The following ART3 variants were observed in gnomAD, a reference collection of about 807,000 sequenced individuals.
ART3 encodes ecto-ADP-ribosyltransferase 3.
A neutral mutation model predicts 48.5 loss-of-function variants in ART3; 49 were observed. The ratio of observed to expected loss-of-function variants is 1.01; its 90% confidence interval spans 0.80 to 1.28. ART3 has a LOEUF of 1.28. Among genes scored for constraint, ART3 ranks in the 50% most tolerant of loss-of-function variants. The pLI, the probability that ART3 is intolerant of heterozygous loss-of-function variation, is 0.00. For missense variants in ART3, 438 were observed against 454.3 expected, an observed-to-expected ratio of 0.96 and a Z score of 0.33; for synonymous variants, 145 against 157.2, an observed-to-expected ratio of 0.92 and a Z score of 0.58.
chr4:76,042,457 C>T (rs1735056972), intron 1 of ART3, among the ~76,000 whole-genome samples: 1 of 152,232 alleles, frequency 6.6e-6, no homozygotes, highest in East Asian at 1.9e-4. Flanking sequence ...GAAGAGGTTG[C>T]CAGGCATGTA....
chr4:76,025,962 C>T (rs1463400990), intron 1 of ART3, among the ~76,000 whole-genome samples: 1 of 152,076 alleles, frequency 6.6e-6, no homozygotes, highest in African/African-American at 2.4e-5. Flanking sequence ...TAAGTGATCA[C>T]GTCACTCTTC....
intron 8 of ART3, among the ~76,000 whole-genome samples, chr4:76,101,528 G>A (rs937705603): frequency 2.0e-5 from 3 of 152,160 alleles, no homozygotes; most frequent in Non-Finnish European, 2.9e-5. Context: ...AGCACTTTGG[G>A]AGGCCAAAGT....
At position 76,052,714 on chromosome 4, in the gene ART3, CCTTCTTTT is replaced by C. The variant is rs1236336809; in HGVS notation, c.-9-23166_-9-23159del. 2.7e-4 allele frequency among the ~76,000 whole-genome samples: 39 copies of C among 142,636 alleles called. 2 individuals are homozygous for C. The highest frequency in any genetic ancestry group is 9.4e-4 in the African/African-American group (37 of 39,542). The allele number at this position is 142,636 out of a possible 152,430, so 93.6% of individuals were successfully genotyped here. A position where few individuals can be genotyped will look rare whatever the true frequency, so the allele number is the denominator to read the frequency against. On this transcript the variant is annotated intron_variant, in intron 1 of 9. Transcript: ENST00000341029. ...CATGCGTGTACCCAATTTCTTTTTT[CCTTCTTTT>C]TTTTTTTTTTAAGACAGAGTCTTGC...
rs572732596 is a variant in ART3, at chr4:76,021,734, A to C, written c.-10+10414A>C. On this transcript the variant is annotated intron_variant, in intron 1 of 9. Transcript: ENST00000341029. Reference sequence around the variant, plus strand: ...GGGTAGAGTTATTACTGAATAGCTTAGGATGATGAACATTAACCTTCCTAC... The same window carrying C: ...GGGTAGAGTTATTACTGAATAGCTTCGGATGATGAACATTAACCTTCCTAC... 72 of 641,386 alleles carry C rather than the reference A, an allele frequency of 1.1e-4. No homozygotes were observed. The African/African-American group carries it at 1.2e-3, about 11-fold the overall frequency. 39.7% of individuals were successfully genotyped at this position (641,386 alleles called of 1,614,324 possible). A position where few individuals can be genotyped will look rare whatever the true frequency, so the allele number is the denominator to read the frequency against.
chr4:76,070,810 G>T (rs560040942), upstream of ART3, among the ~76,000 whole-genome samples: 1 of 152,152 alleles, frequency 6.6e-6, no homozygotes, highest in African/African-American at 2.4e-5. Context: ...AAGTAGAAAA[G>T]AATTTTTATT....
chr4:76,027,719 G>T (rs369225957), intron 1 of ART3, among the ~76,000 whole-genome samples: 35 of 51,458 alleles, frequency 6.8e-4, no homozygotes, highest in East Asian at 3.5e-3. Context: ...TACATTTGAT[G>T]ACAGATAAAT....
At chr4:76,056,109 A>G (rs1455387104) in intron 1 of ART3, among the ~76,000 whole-genome samples, 1 of 152,222 alleles carries the variant, frequency 6.6e-6, no homozygotes. Flanking sequence ...CTTCGGTGAC[A>G]GTGCTGCTCC....
At chr4:76,083,918 C>G (rs1578478440) in intron 3 of ART3, among the ~76,000 whole-genome samples, 1 of 152,206 alleles carries the variant, frequency 6.6e-6, no homozygotes, top group East Asian at 1.9e-4. Flanking sequence ...AAAGCCAACA[C>G]CCTCCTTCCC....
Position 76,054,487 on chromosome 4 carries a change from A to G in ART3, c.-9-21394A>G, listed in dbSNP as rs141946787. ...TTCTAGCTATTTTATTTCTTATATA[A>G]TCTTGATACTTAAATTACTTTCTTT... On this transcript the variant is annotated intron_variant, in intron 1 of 9. Coordinates refer to the ART3 transcript ENST00000341029. Among the ~76,000 whole-genome samples, 14 of 152,334 alleles carry G rather than the reference A, an allele frequency of 9.2e-5. No individual in the cohort carries two copies. The East Asian group carries it at 1.9e-3, about 21-fold the overall frequency.
At chr4:76,015,692 G>A (rs548442553) in intron 1 of ART3, among the ~76,000 whole-genome samples, 34 of 152,314 alleles carry the variant, frequency 2.2e-4, no homozygotes, top group African/African-American at 8.2e-4. Context: ...GAGTGCAGTG[G>A]CATGATTATG....
intron 3 of ART3, among the ~76,000 whole-genome samples, chr4:76,082,859 A>G (rs542024989): frequency 6.6e-6 from 1 of 152,168 alleles, no homozygotes; most frequent in East Asian, 1.9e-4. Flanking sequence ...CTGACATCTA[A>G]TGGGTAGAGG....
chr4:76,037,146 A>G (rs1328637463), intron 1 of ART3: 3 of 153,098 alleles, frequency 2.0e-5, no homozygotes, highest in African/African-American at 7.2e-5. Flanking sequence ...ATGAAGTTGT[A>G]TGAGTTGTAT....
intron 1 of ART3, among the ~76,000 whole-genome samples, chr4:76,035,685 A>G (rs988970689): frequency 1.3e-5 from 2 of 152,244 alleles, no homozygotes; most frequent in Admixed American, 6.5e-5. Context: ...AACTGTTGCT[A>G]AAGGCTTTTG....
chr4:76,093,983 A>G (rs987265708), intron 3 of ART3, among the ~76,000 whole-genome samples: 5 of 152,186 alleles, frequency 3.3e-5, no homozygotes, highest in Non-Finnish European at 5.9e-5. Context: ...TTAGGTTTTG[A>G]TTAGGTCATG....
At position 76,112,582 on chromosome 4, in the gene ART3, T is replaced by G; in HGVS notation, c.*63T>G. 6.8e-7 allele frequency: 1 copy of G among 1,480,812 alleles called. No individual in the cohort carries two copies. Among genetic ancestry groups the G allele is most frequent in the Admixed American group, 2.1e-5 (1 of 46,660 alleles). 91.7% of individuals were successfully genotyped at this position (1,480,812 alleles called of 1,614,324 possible). On this transcript the variant is annotated 3_prime_UTR_variant, in exon 12 of 12. Coordinates refer to ENST00000355810, the MANE Select transcript of ART3 (RefSeq NM_001130016.3). ...AATAACTATAGGGATCCACAGGAGA[T>G]CAAAAGGAATGATGTATTTTTTACG...
chr4:76,104,591 A>G lies in ART3; in HGVS notation c.971-6A>G, dbSNP rs374866052. 1,858 of 1,551,582 alleles carry G rather than the reference A, an allele frequency of 1.2e-3. 3 individuals are homozygous for G. Among genetic ancestry groups the G allele is most frequent in the Non-Finnish European group, 1.5e-3 (1,712 of 1,146,902 alleles). On this transcript the variant is annotated splice_region_variant and splice_polypyrimidine_tract_variant and intron_variant, in intron 9 of 11. Coordinates refer to ENST00000355810, the MANE Select transcript of ART3 (RefSeq NM_001130016.3). ...GTAAGTCATTGGAAACTTCCTTCTC[A>G]TTTAGGAATGAAAATTCCAGAACCT...
intron 3 of ART3, among the ~76,000 whole-genome samples, chr4:76,085,852 A>C (rs539937200): frequency 2.6e-5 from 4 of 152,174 alleles, no homozygotes; most frequent in Non-Finnish European, 5.9e-5. Context: ...CGGGCAGATC[A>C]CCTGAGGTCA....
intron 1 of ART3, among the ~76,000 whole-genome samples, chr4:76,048,417 G>A (rs896977748): frequency 1.3e-5 from 2 of 151,766 alleles, no homozygotes; most frequent in Non-Finnish European, 2.9e-5. Context: ...GGTCAAATTG[G>A]TCCCAATGGC....
intron 1 of ART3, among the ~76,000 whole-genome samples, chr4:76,043,437 C>T (rs1735177589): frequency 1.3e-5 from 2 of 152,190 alleles, no homozygotes; most frequent in South Asian, 2.1e-4. Context: ...CGAGCCCTGC[C>T]CTGTAGGAAG....
Sources: gnomAD v4.1 joint callset for allele counts (sites outside exome capture counted in the v4.1 genomes callset) on GRCh38, gnomAD v4.1.1 for gene constraint, MANE v1.5 for transcripts, NCBI Gene and HGNC (gene_info 2026-07-23, HGNC 2026-07-21) for gene names.